The following EPS15L1 variants were observed in gnomAD, a reference collection of about 807,000 sequenced individuals.
EPS15L1 encodes epidermal growth factor receptor substrate 15-like 1.
Under a neutral mutation model 117.1 loss-of-function variants are expected in EPS15L1, and 43 were observed. The observed-to-expected ratio is 0.37, with a 90% CI of 0.29 to 0.47. The LOEUF (loss-of-function observed/expected upper bound fraction) is 0.47, where lower values mean the gene tolerates loss of function less well. Ranked by LOEUF, EPS15L1 falls within the 20% of genes least tolerant of loss-of-function variation. EPS15L1 has a pLI of 0.99. For synonymous variants in EPS15L1, 459 were observed against 470.5 expected (o/e 0.98, Z 0.32); for missense variants, 981 against 1,164.0 (o/e 0.84, Z 2.29).
intron 1 of EPS15L1, among the ~76,000 whole-genome samples, chr19:16,470,154 G>A (rs569940450): frequency 1.2e-4 from 19 of 152,208 alleles, no homozygotes; most frequent in Middle Eastern, 3.4e-3. Context: ...GGCCAAGGCG[G>A]GTGGATCACT....
chr19:16,400,153 A>C (rs1293531041), intron 16 of EPS15L1, among the ~76,000 whole-genome samples: 3 of 152,076 alleles, frequency 2.0e-5, no homozygotes, highest in African/African-American at 7.2e-5. Context: ...CCTGGGCAAC[A>C]CTGTGAAACC....
At chr19:16,412,668 TC>T (rs2144889136) in intron 13 of EPS15L1, 1 of 140,378 alleles carries the variant, frequency 7.1e-6, no homozygotes, top group African/African-American at 3.0e-5. Context: ...CTTCTTCTTC[TC>T]CGAGAAAACA....
In EPS15L1 at chr19:16,370,474, A is replaced by C. The variant is rs1034084713; in HGVS notation, c.2380+6648T>G. 6.6e-6 allele frequency among the ~76,000 whole-genome samples: 1 copy of C among 151,858 alleles called. No homozygotes were observed. The highest frequency in any genetic ancestry group is 1.5e-5 in the Non-Finnish European group (1 of 67,934). On this transcript the variant is annotated intron_variant, in intron 22 of 23. Coordinates refer to ENST00000455140, the MANE Select transcript of EPS15L1 (RefSeq NM_001258374.3). The surrounding 1 kb of genome is among the most constrained non-coding windows in gnomAD (Gnocchi z 5.2). ...AGGGCGATGGCTCCCGTCTGTTCAC[A>C]CCTATACTCAGATGCTGGGGTGGGA...
intron 8 of EPS15L1, among the ~76,000 whole-genome samples, chr19:16,427,533 A>T (rs191732624): frequency 6.6e-6 from 1 of 152,308 alleles, no homozygotes; most frequent in Non-Finnish European, 1.5e-5. Flanking sequence ...CAGATTAAGG[A>T]TACTCAACCT....
At chr19:16,380,686 C>T (rs867094959) in intron 21 of EPS15L1, among the ~76,000 whole-genome samples, 3 of 152,174 alleles carry the variant, frequency 2.0e-5, no homozygotes, top group African/African-American at 7.2e-5. Context: ...CCAGTCACAC[C>T]GATGCGGTCG....
At chr19:16,432,629 G>A (rs923309669) in intron 7 of EPS15L1, among the ~76,000 whole-genome samples, 1 of 150,470 alleles carries the variant, frequency 6.6e-6, no homozygotes, top group South Asian at 2.1e-4. Flanking sequence ...AAAATTAGCC[G>A]GCTGTTGTGG....
chr19:16,423,171 C>A (rs550466905), intron 9 of EPS15L1, among the ~76,000 whole-genome samples: 1 of 152,276 alleles, frequency 6.6e-6, no homozygotes, highest in Admixed American at 6.5e-5. Context: ...GCTTGGGAAA[C>A]AAGGGATACC....
chr19:16,451,775 C>T (rs529870860), intron 1 of EPS15L1, among the ~76,000 whole-genome samples: 7 of 150,668 alleles, frequency 4.6e-5, no homozygotes, highest in East Asian at 2.0e-4. Context: ...GTGATCCACC[C>T]GCCTCGGCCT....
chr19:16,356,199 A>C (rs1174721216), intron 23 of EPS15L1: 2 of 355,304 alleles, frequency 5.6e-6, no homozygotes, highest in Non-Finnish European at 1.1e-5. Flanking sequence ...TCCAGCGTGC[A>C]TGGCTCTAAA....
At position 16,370,378 on chromosome 19, in the gene EPS15L1, C is replaced by T. The variant is rs1484816960; in HGVS notation, c.2380+6744G>A. ...GAGCCCCCTTCTGAGGCGTCTGCCC[C>T]AGCCCTCACCTCCCTCAGGTGCCAA... On this transcript the variant is annotated intron_variant, in intron 22 of 23. Transcript: ENST00000455140. This position sits in a 1 kb window ranked among gnomAD's most constrained non-coding sequence, Gnocchi z 5.2. Among the ~76,000 whole-genome samples the T allele has an allele frequency of 1.3e-5, 2 of 152,134 alleles. No individual in the cohort carries two copies. Among genetic ancestry groups the T allele is most frequent in the African/African-American group, 2.4e-5 (1 of 41,418 alleles).
intron 1 of EPS15L1, among the ~76,000 whole-genome samples, chr19:16,452,447 G>GA (rs571611674): frequency 0.094 from 11,177 of 119,540 alleles, 512 homozygotes; most frequent in Non-Finnish European, 0.12. Context: ...ATTCCATCTC[G>GA]AAAAAAAAAA....
intron 12 of EPS15L1, 131 bp downstream of exon 12, chr19:16,417,421 G>A (rs978688390): frequency 4.5e-5 from 34 of 756,986 alleles, no homozygotes; most frequent in African/African-American, 4.4e-4. Flanking sequence ...CTCAGAAGCT[G>A]TATCTTTTCC....
intron 1 of EPS15L1, among the ~76,000 whole-genome samples, chr19:16,454,960 T>C (rs1196232623): frequency 6.6e-6 from 1 of 151,930 alleles, no homozygotes; most frequent in African/African-American, 2.4e-5. Flanking sequence ...TAAAAGCCTG[T>C]CTCTACTAAA....
chr19:16,467,711 G>A (rs1386929145), intron 1 of EPS15L1, among the ~76,000 whole-genome samples: 1 of 152,152 alleles, frequency 6.6e-6, no homozygotes, highest in African/African-American at 2.4e-5. Flanking sequence ...AGAAACAAGG[G>A]ACAAGAGGAC....
intron 19 of EPS15L1, among the ~76,000 whole-genome samples, chr19:16,387,467 C>G (rs550490982): frequency 6.6e-6 from 1 of 152,196 alleles, no homozygotes. Context: ...ATTAGATGGG[C>G]GTGGTGGTGG....
At position 16,405,837 on chromosome 19, in the gene EPS15L1, G is replaced by A. The variant is rs865982114; in HGVS notation, c.1267-1088C>T. Among the ~76,000 whole-genome samples, 2 of 152,222 alleles carry A rather than the reference G, an allele frequency of 1.3e-5. No individual in the cohort carries two copies. The highest frequency in any genetic ancestry group is 2.4e-5 in the African/African-American group (1 of 41,460). On this transcript the variant is annotated intron_variant, in intron 13 of 23. Coordinates refer to ENST00000455140, the MANE Select transcript of EPS15L1 (RefSeq NM_001258374.3). This position sits in a 1 kb window ranked among gnomAD's most constrained non-coding sequence, Gnocchi z 4.0. ...TTCTCACCTCCTGATTTTCAACCAC[G>A]CAAATGCATTATCTGTCTTTAAGAT...
intron 1 of EPS15L1, among the ~76,000 whole-genome samples, chr19:16,443,292 G>T (rs1424513547): frequency 6.6e-6 from 1 of 152,156 alleles, no homozygotes; most frequent in Non-Finnish European, 1.5e-5. Flanking sequence ...GCTGTTGTAC[G>T]ATTTCTCACA....
intron 16 of EPS15L1, among the ~76,000 whole-genome samples, chr19:16,397,093 C>CT (rs1010499858): frequency 1.6e-4 from 23 of 147,722 alleles, no homozygotes; most frequent in East Asian, 5.9e-4. Flanking sequence ...TTCTTTCTTT[C>CT]TTTTTTTTTT....
chr19:16,362,469 A>G (rs59903814), intron 22 of EPS15L1, among the ~76,000 whole-genome samples: 14,869 of 144,534 alleles, frequency 0.1, 812 homozygotes, highest in Non-Finnish European at 0.12. Flanking sequence ...TGTGTTAGTT[A>G]TAAGGGTCTG....
Sources: allele counts gnomAD v4.1 joint callset (sites outside exome capture counted in the v4.1 genomes callset), GRCh38; gene constraint gnomAD v4.1.1; non-coding constraint Gnocchi (gnomAD v3.1); transcripts MANE v1.5; gene names NCBI Gene and HGNC (gene_info 2026-07-23, HGNC 2026-07-21).